AGBL4: variants seen among roughly 807,000 people sequenced by gnomAD.
AGBL4 encodes the protein AGBL carboxypeptidase 4.
Under a neutral mutation model 66.4 loss-of-function variants are expected in AGBL4, and 58 were observed. The ratio of observed to expected loss-of-function variants is 0.87; its 90% CI spans 0.71 to 1.09. The LOEUF (loss-of-function observed/expected upper bound fraction) is 1.09, where lower values mean the gene tolerates loss of function less well. AGBL4 is among the 50% of genes least tolerant of loss of function. The pLI is 0.00. For missense variants in AGBL4, 579 were observed against 631.0 expected (o/e 0.92, Z 0.88); for synonymous variants, 234 against 222.9 (o/e 1.05, Z -0.44).
At chr1:49,166,948 A>T (rs1443330169) in intron 4 of AGBL4, among the ~76,000 whole-genome samples, 1 of 152,194 alleles carries the variant, frequency 6.6e-6, no homozygotes. Flanking sequence ...TTTCAGGAAC[A>T]CATTAATAGC....
intron 6 of AGBL4, among the ~76,000 whole-genome samples, chr1:48,813,659 G>C (rs1570733792): frequency 6.6e-6 from 1 of 152,128 alleles, no homozygotes; most frequent in East Asian, 1.9e-4. Flanking sequence ...AGAGTAAGGT[G>C]TTGCTTTGCT....
intron 6 of AGBL4, among the ~76,000 whole-genome samples, chr1:48,843,737 A>G (rs1285910079): frequency 6.6e-6 from 1 of 152,104 alleles, no homozygotes; most frequent in Non-Finnish European, 1.5e-5. Flanking sequence ...ATGATCTAGT[A>G]TAAACTTCTC....
intron 9 of AGBL4, among the ~76,000 whole-genome samples, chr1:48,593,071 T>C (rs1041020307): frequency 3.3e-5 from 5 of 152,144 alleles, no homozygotes; most frequent in African/African-American, 9.7e-5. Context: ...TAAAATAATT[T>C]ATAGTAAAAA....
At chr1:49,976,385 G>A (rs1452053073) in intron 1 of AGBL4, among the ~76,000 whole-genome samples, 1 of 151,966 alleles carries the variant, frequency 6.6e-6, no homozygotes. Flanking sequence ...AATGTATATT[G>A]ATATAAATAA....
chr1:49,179,425 T>C (rs1646888865), intron 4 of AGBL4, among the ~76,000 whole-genome samples: 1 of 152,180 alleles, frequency 6.6e-6, no homozygotes, highest in African/African-American at 2.4e-5. Flanking sequence ...CTACTGGAAC[T>C]GACTTTTTAA....
chr1:49,395,563 T>TGA (rs1307484740), intron 3 of AGBL4, among the ~76,000 whole-genome samples: 33 of 148,662 alleles, frequency 2.2e-4, no homozygotes, highest in African/African-American at 7.7e-4. Flanking sequence ...TGTGTGTGTG[T>TGA]GATATTATAT....
At chr1:49,841,944 C>T (rs1355971569) in intron 2 of AGBL4, 10 of 593,328 alleles carry the variant, frequency 1.7e-5, no homozygotes, top group African/African-American at 9.5e-5. Flanking sequence ...CCTCCTCGAG[C>T]GTGTCCTCCA....
chr1:49,340,197 C>T lies in AGBL4; in HGVS notation c.283-94333G>A, dbSNP rs1401859627. On this transcript the variant is annotated intron_variant, in intron 3 of 13. Coordinates refer to ENST00000371839, the MANE Select transcript of AGBL4 (RefSeq NM_032785.4). ...ATTCTAAGCCTGGCTAGAATTAGTACGTTTGTAAATTCTCTATGGAAAAAA... is the reference window on the plus strand; with the variant it reads ...ATTCTAAGCCTGGCTAGAATTAGTATGTTTGTAAATTCTCTATGGAAAAAA... Among the ~76,000 whole-genome samples the T allele has an allele frequency of 5.9e-5, 8 of 134,518 alleles. No homozygotes were observed. In the East Asian group the frequency reaches 1.0e-3, roughly 17 times the overall value. 88.2% of individuals were successfully genotyped at this position (134,518 alleles called of 152,430 possible). A position where few individuals can be genotyped will look rare whatever the true frequency, so the allele number is the denominator to read the frequency against.
At chr1:49,595,438 G>C (rs1207986920) in intron 3 of AGBL4, among the ~76,000 whole-genome samples, 2 of 151,854 alleles carry the variant, frequency 1.3e-5, no homozygotes, top group African/African-American at 2.4e-5. Context: ...AGTACAGAAG[G>C]CTTATAAAAT....
chr1:49,694,344 C>T (rs1646944537), intron 3 of AGBL4, among the ~76,000 whole-genome samples: 1 of 152,068 alleles, frequency 6.6e-6, no homozygotes, highest in African/African-American at 2.4e-5. Flanking sequence ...AACAAACATC[C>T]TGTGAGCTAG....
At chr1:49,393,377 A>G (rs1644890087) in intron 3 of AGBL4, among the ~76,000 whole-genome samples, 1 of 152,208 alleles carries the variant, frequency 6.6e-6, no homozygotes. Context: ...AGATTGTACA[A>G]TCTGGTGCAA....
chr1:48,785,896 C>A lies in AGBL4; in HGVS notation c.634+81295G>T, dbSNP rs115423533. ...CATCATTTTTGAGACAATAGGGCAA[C>A]CTTCCTTCAGAGACCACATTAGTTC... On this transcript the variant is annotated intron_variant, in intron 6 of 13. Transcript: ENST00000371839. Among the ~76,000 whole-genome samples, 897 of 152,198 alleles carry A rather than the reference C, an allele frequency of 5.9e-3. 7 individuals carry two copies. The highest frequency in any genetic ancestry group is 9.0e-3 in the Non-Finnish European group (615 of 68,016).
intron 3 of AGBL4, among the ~76,000 whole-genome samples, chr1:49,648,293 T>C (rs1314568301): frequency 2.7e-5 from 4 of 146,860 alleles, no homozygotes; most frequent in South Asian, 4.3e-4. Context: ...AATATCTCAA[T>C]AGATACCTCA....
In AGBL4 at chr1:49,045,936, C is replaced by T. The variant is rs1644068938; in HGVS notation, c.378-136G>A. On this transcript the variant is annotated intron_variant, in intron 4 of 13. Transcript: ENST00000371839. ...GGTGATGGGGCTGGGAGAATGACAACACAAACCACATATTGTTTAAAACAG... is the reference window on the plus strand; with the variant it reads ...GGTGATGGGGCTGGGAGAATGACAATACAAACCACATATTGTTTAAAACAG... 6 of 730,752 alleles carry T rather than the reference C, an allele frequency of 8.2e-6. No homozygotes were observed. In the South Asian group the frequency reaches 1.2e-4, roughly 14 times the overall value. The allele number at this position is 730,752 out of a possible 1,614,324, so 45.3% of individuals were successfully genotyped here.
rs113144576 is a variant in AGBL4 at position 49,985,414 on chromosome 1, T to C, written c.34+38349A>G. ...AGGTAATTATTAACTTTAGAGAGTG[T>C]ATTTTCTCTATAGTGATGGGTGTAG... On this transcript the variant is annotated intron_variant, in intron 1 of 13. Coordinates refer to ENST00000371839, the MANE Select transcript of AGBL4 (RefSeq NM_032785.4). Among the ~76,000 whole-genome samples, 274 of 152,324 alleles carry C rather than the reference T, an allele frequency of 1.8e-3. 3 individuals carry two copies. The highest frequency in any genetic ancestry group is 6.2e-3 in the African/African-American group (256 of 41,572).
chr1:48,647,605 C>A (rs776843682), intron 8 of AGBL4: 8 of 453,538 alleles, frequency 1.8e-5, no homozygotes, highest in African/African-American at 6.0e-5. Flanking sequence ...ATGACAAGCA[C>A]CTAATTAAGA....
intron 3 of AGBL4, among the ~76,000 whole-genome samples, chr1:49,354,992 G>A (rs1348145968): frequency 6.6e-6 from 1 of 152,106 alleles, no homozygotes; most frequent in Admixed American, 6.5e-5. Context: ...CTCACACAGG[G>A]ATAATTTAGA....
At chr1:48,915,063 T>A (rs1653472469) in intron 5 of AGBL4, among the ~76,000 whole-genome samples, 2 of 152,244 alleles carry the variant, frequency 1.3e-5, no homozygotes, top group Non-Finnish European at 2.9e-5. Context: ...CGTGTTATTT[T>A]TCTGTTTTAC....
At chr1:49,253,279 T>C (rs1652214197) in intron 3 of AGBL4, among the ~76,000 whole-genome samples, 1 of 152,090 alleles carries the variant, frequency 6.6e-6, no homozygotes, top group South Asian at 2.1e-4. Flanking sequence ...AAAACAGACT[T>C]TAAACCAACA....
Sources: gnomAD v4.1 joint callset for allele counts (sites outside exome capture counted in the v4.1 genomes callset) on GRCh38, gnomAD v4.1.1 for gene constraint, MANE v1.5 for transcripts, NCBI Gene and HGNC (gene_info 2026-07-23, HGNC 2026-07-21) for gene names.